The following TMEM135 variants were observed in gnomAD, a reference collection of about 807,000 sequenced individuals.
The protein encoded by TMEM135 is transmembrane protein 135, also known as peroxisomal membrane protein 52.
In TMEM135, 30 loss-of-function variants were observed where a neutral mutation model predicts 60.3. That is an observed-to-expected ratio of 0.50 (90% CI 0.37 to 0.68). The LOEUF (loss-of-function observed/expected upper bound fraction) is 0.68, where lower values mean the gene tolerates loss of function less well. TMEM135 is among the 30% of genes least tolerant of loss of function. The pLI is 0.00. For missense variants in TMEM135, 468 were observed against 548.8 expected, an observed-to-expected ratio of 0.85 and a Z score of 1.47; for synonymous variants, 190 against 186.7, an observed-to-expected ratio of 1.02 and a Z score of -0.14.
At chr11:87,156,894 A>G (rs1449280582) in intron 4 of TMEM135, among the ~76,000 whole-genome samples, 1 of 152,184 alleles carries the variant, frequency 6.6e-6, no homozygotes, top group African/African-American at 2.4e-5. Flanking sequence ...CTAATTCGAA[A>G]CTATAGTCCT....
intron 1 of TMEM135, among the ~76,000 whole-genome samples, chr11:87,066,939 C>T (rs1795687972): frequency 6.6e-6 from 1 of 151,302 alleles, no homozygotes; most frequent in African/African-American, 2.4e-5. Flanking sequence ...CACCACCACG[C>T]CCGTCTCATT....
At chr11:87,196,301 G>C (rs907657659) in intron 5 of TMEM135, among the ~76,000 whole-genome samples, 3 of 151,734 alleles carry the variant, frequency 2.0e-5, no homozygotes, top group African/African-American at 7.3e-5. Context: ...AAATATTGCA[G>C]GTATATTCAT....
At chr11:87,207,720 A>G (rs1306817990) in intron 5 of TMEM135, among the ~76,000 whole-genome samples, 2 of 152,162 alleles carry the variant, frequency 1.3e-5, no homozygotes, top group Non-Finnish European at 2.9e-5. Context: ...AGACTGTGTG[A>G]TTTATAAAGA....
rs1162543646 is a variant in TMEM135 at position 87,327,499 on chromosome 11, G to A, written c.*6166G>A. 2 of 453,814 alleles carry A rather than the reference G, an allele frequency of 4.4e-6. No individual in the cohort carries two copies. The highest frequency in any genetic ancestry group is 2.0e-5 in the African/African-American group (1 of 49,964). 28.1% of individuals were successfully genotyped at this position (453,814 alleles called of 1,614,324 possible). ...TCTGTATCAGTCAGGGTTTCCCAGA[G>A]AGGCAGAACAATAGGGATAGAGAGA... On this transcript the variant is annotated 3_prime_UTR_variant, in exon 15 of 15. Coordinates refer to ENST00000305494, the MANE Select transcript of TMEM135 (RefSeq NM_022918.4).
intron 4 of TMEM135, among the ~76,000 whole-genome samples, chr11:87,150,229 A>AG (rs1397625155): frequency 5.3e-5 from 8 of 151,610 alleles, no homozygotes; most frequent in African/African-American, 1.7e-4. Flanking sequence ...AAAAAAAAAA[A>AG]AAAAAAGAAA....
chr11:87,062,168 G>A (rs1209206099), intron 1 of TMEM135, among the ~76,000 whole-genome samples: 2 of 151,698 alleles, frequency 1.3e-5, no homozygotes, highest in Non-Finnish European at 2.9e-5. Context: ...ACCACGCCTG[G>A]CTAATTTTTG....
rs757299119 is a variant in TMEM135, at chr11:87,314,432, T to C, written c.1001-39T>C. 6.6e-6 allele frequency: 10 copies of C among 1,512,274 alleles called. No individual in the cohort carries two copies. In the African/African-American group the frequency reaches 1.1e-4, roughly 17 times the overall value. 93.7% of individuals were successfully genotyped at this position (1,512,274 alleles called of 1,614,324 possible). A position where few individuals can be genotyped will look rare whatever the true frequency, so the allele number is the denominator to read the frequency against. On this transcript the variant is annotated intron_variant, in intron 11 of 14. Transcript: ENST00000305494. ...TGATGACATAATAACAAATAAATACTCTGCGATCTTATCAGTTATTTCTTA... is the reference window on the plus strand; with the variant it reads ...TGATGACATAATAACAAATAAATACCCTGCGATCTTATCAGTTATTTCTTA...
chr11:87,041,645 G>A (rs1322166673), intron 1 of TMEM135, among the ~76,000 whole-genome samples: 2 of 152,160 alleles, frequency 1.3e-5, no homozygotes, highest in Non-Finnish European at 2.9e-5. Flanking sequence ...GGGTAATAGT[G>A]CATTAATTAT....
At chr11:87,120,326 G>A (rs563394435) in intron 4 of TMEM135, among the ~76,000 whole-genome samples, 127 of 151,570 alleles carry the variant, frequency 8.4e-4, no homozygotes, top group African/African-American at 2.9e-3. Context: ...GGGTGGTCTT[G>A]AACTCCTGGA....
At chr11:87,289,494 G>A (rs1018939981) in intron 6 of TMEM135, among the ~76,000 whole-genome samples, 15 of 134,044 alleles carry the variant, frequency 1.1e-4, no homozygotes, top group Admixed American at 9.1e-5. Flanking sequence ...TGTCACCCAG[G>A]CTGGAGTGCA....
At chr11:87,184,146 A>G (rs1939593621) in intron 5 of TMEM135, among the ~76,000 whole-genome samples, 2 of 152,258 alleles carry the variant, frequency 1.3e-5, no homozygotes, top group African/African-American at 4.8e-5. Flanking sequence ...AGAATATTAT[A>G]TGTGAAATTA....
intron 1 of TMEM135, among the ~76,000 whole-genome samples, chr11:87,047,286 T>TAA (rs534418636): frequency 1.3e-5 from 2 of 151,590 alleles, no homozygotes; most frequent in African/African-American, 4.8e-5. Context: ...GCCAGATTGT[T>TAA]AAAAAAAAAG....
chr11:87,093,742 C>G (rs1857261939), intron 4 of TMEM135, among the ~76,000 whole-genome samples: 1 of 151,894 alleles, frequency 6.6e-6, no homozygotes, highest in Admixed American at 6.6e-5. Context: ...CCATGTTGGT[C>G]AGTCTGGTCG....
Position 87,038,026 on chromosome 11 carries a change from TCTC to T in TMEM135, c.-18_-16del. On this transcript the variant is annotated 5_prime_UTR_variant, in exon 1 of 15. Coordinates refer to ENST00000305494, the MANE Select transcript of TMEM135 (RefSeq NM_022918.4). ...GGCTCAGGCTCTCCCCCTCCTGTCT[TCTC>T]CGCGCTGTTCCTCGTCATGGCGGCC... The T allele has an allele frequency of 2.5e-6, 4 of 1,613,586 alleles. No homozygotes were observed. Among genetic ancestry groups the T allele is most frequent in the Non-Finnish European group, 3.4e-6 (4 of 1,179,952 alleles).
At position 87,291,427 on chromosome 11, in the gene TMEM135, T is replaced by C. The variant is rs186040076; in HGVS notation, c.510-4355T>C. On this transcript the variant is annotated intron_variant, in intron 6 of 14. Coordinates refer to ENST00000305494, the MANE Select transcript of TMEM135 (RefSeq NM_022918.4). ...TTCTCTCCACCTTCTACAACTATGATCTAGATGACCACAATCATCGTTCCC... is the reference window on the plus strand; with the variant it reads ...TTCTCTCCACCTTCTACAACTATGACCTAGATGACCACAATCATCGTTCCC... Among the ~76,000 whole-genome samples, 399 of 151,730 alleles carry C rather than the reference T, an allele frequency of 2.6e-3. 2 individuals carry two copies. Among genetic ancestry groups the C allele is most frequent in the Non-Finnish European group, 3.5e-3 (241 of 67,942 alleles).
intron 6 of TMEM135, among the ~76,000 whole-genome samples, chr11:87,250,502 G>T (rs1283351078): frequency 6.6e-6 from 1 of 151,818 alleles, no homozygotes; most frequent in East Asian, 1.9e-4. Flanking sequence ...TTTGTTTCAA[G>T]AAATTTTTAA....
Position 87,051,011 on chromosome 11 carries a change from A to G in TMEM135, c.141+12825A>G, listed in dbSNP as rs1278192459. Among the ~76,000 whole-genome samples, 704 of 92,450 alleles carry G rather than the reference A, an allele frequency of 7.6e-3. 19 individuals are homozygous for G. The highest frequency in any genetic ancestry group is 0.039 in the African/African-American group (654 of 16,708). The allele number at this position is 92,450 out of a possible 152,430, so 60.7% of individuals were successfully genotyped here. A position where few individuals can be genotyped will look rare whatever the true frequency, so the allele number is the denominator to read the frequency against. On this transcript the variant is annotated intron_variant, in intron 1 of 14. Transcript: ENST00000305494. ...CCCTGGGATGCAAGGCTGGTTCAAT[A>G]TACACAAATCAATAAATGTATTCCA...
intron 6 of TMEM135, among the ~76,000 whole-genome samples, chr11:87,241,781 T>G (rs924992030): frequency 1.3e-5 from 2 of 152,096 alleles, no homozygotes; most frequent in African/African-American, 4.8e-5. Context: ...TCTCTTTGTT[T>G]TCCTGGCTTA....
chr11:87,068,213 C>T (rs1174084528), intron 2 of TMEM135, among the ~76,000 whole-genome samples: 1 of 152,102 alleles, frequency 6.6e-6, no homozygotes, highest in African/African-American at 2.4e-5. Flanking sequence ...CTATAACATA[C>T]ACATTTTTAT....
Sources: gnomAD v4.1 joint callset for allele counts (sites outside exome capture counted in the v4.1 genomes callset) on GRCh38, gnomAD v4.1.1 for gene constraint, MANE v1.5 for transcripts, NCBI Gene and HGNC (gene_info 2026-07-23, HGNC 2026-07-21) for gene names.